TNR: variants seen among roughly 807,000 people sequenced by gnomAD.
TNR encodes tenascin R.
A neutral mutation model predicts 150.4 loss-of-function variants in TNR; 45 were observed. That is an observed-to-expected ratio of 0.30 (90% CI 0.24 to 0.38). The LOEUF is 0.38. TNR is among the 10% of genes least tolerant of loss of function. The pLI is 1.00. For synonymous variants in TNR, 687 were observed against 678.4 expected (o/e 1.01, Z -0.20); for missense variants, 1,544 against 1,759.1 (o/e 0.88, Z 2.19).
chr1:175,638,529 C>T (rs1479543771), intron 1 of TNR, among the ~76,000 whole-genome samples: 1 of 152,234 alleles, frequency 6.6e-6, no homozygotes, highest in Non-Finnish European at 1.5e-5. Flanking sequence ...CAAAATACTG[C>T]TCTGGACCTC....
At chr1:175,409,797 T>A (rs1170538637) in intron 2 of TNR, among the ~76,000 whole-genome samples, 2 of 150,466 alleles carry the variant, frequency 1.3e-5, no homozygotes, top group Non-Finnish European at 3.0e-5. Context: ...GACAGATATT[T>A]ATTAAGTACC....
rs567218580 is a variant in TNR at position 175,647,265 on chromosome 1, A to G, written c.-165+95961T>C. Among the ~76,000 whole-genome samples the G allele has an allele frequency of 2.0e-5, 3 of 152,368 alleles. No individual in the cohort carries two copies. In the South Asian group the frequency reaches 6.2e-4, roughly 32 times the overall value. On this transcript the variant is annotated intron_variant, in intron 1 of 22. Transcript: ENST00000367674. Reference sequence around the variant, plus strand: ...AGCTCTTTCTAACCCATGAACAAGCAGGATTGTTCACCACATGCACAAAAA... The same window carrying G: ...AGCTCTTTCTAACCCATGAACAAGCGGGATTGTTCACCACATGCACAAAAA...
At chr1:175,642,660 G>A (rs573838774) in intron 1 of TNR, among the ~76,000 whole-genome samples, 3 of 152,236 alleles carry the variant, frequency 2.0e-5, no homozygotes, top group East Asian at 3.9e-4. Context: ...AGCCTGCTGC[G>A]GTGTCTCACA....
chr1:175,725,566 T>C (rs1667455294), intron 1 of TNR, among the ~76,000 whole-genome samples: 1 of 152,174 alleles, frequency 6.6e-6, no homozygotes, highest in Non-Finnish European at 1.5e-5. Flanking sequence ...TCTTCATCAA[T>C]AACAGTCATG....
At chr1:175,433,716 G>T (rs1655374735) in intron 2 of TNR, among the ~76,000 whole-genome samples, 1 of 152,326 alleles carries the variant, frequency 6.6e-6, no homozygotes, top group South Asian at 2.1e-4. Context: ...GTGATTTACA[G>T]TTCCCTTGGA....
intron 2 of TNR, among the ~76,000 whole-genome samples, chr1:175,411,337 T>C (rs991109292): frequency 1.3e-5 from 2 of 152,200 alleles, no homozygotes; most frequent in African/African-American, 4.8e-5. Context: ...AGGTCTTCTC[T>C]TTCCTGATAC....
intron 4 of TNR, among the ~76,000 whole-genome samples, chr1:175,399,030 C>T (rs1283359299): frequency 6.6e-6 from 1 of 152,198 alleles, no homozygotes; most frequent in East Asian, 1.9e-4. Context: ...ACAATTTAGA[C>T]AGCAGGTTAC....
chr1:175,429,749 T>G (rs1655178027), intron 2 of TNR, among the ~76,000 whole-genome samples: 1 of 152,144 alleles, frequency 6.6e-6, no homozygotes, highest in Admixed American at 6.5e-5. Context: ...GAAGAAGAGT[T>G]TTGTATAATG....
At chr1:175,519,048 C>A (rs947307354) in intron 2 of TNR, among the ~76,000 whole-genome samples, 47 of 152,126 alleles carry the variant, frequency 3.1e-4, no homozygotes, top group African/African-American at 1.1e-3. Flanking sequence ...CAAAATTCTG[C>A]CACTTTCTAC....
intron 15 of TNR, among the ~76,000 whole-genome samples, chr1:175,358,328 G>A (rs960674263): frequency 6.6e-6 from 1 of 152,092 alleles, no homozygotes; most frequent in Non-Finnish European, 1.5e-5. Context: ...TGATAAGTGG[G>A]GTTTTCTGAT....
At position 175,356,425 on chromosome 1, in the gene TNR, C is replaced by T. The variant is rs978531773; in HGVS notation, c.3012G>A (p.Glu1004=). Residue 1004 remains glutamate (E), a synonymous_variant, in exon 16 of 23, where the codon GAG becomes GAA. Transcript: ENST00000367674. ...GAAGCAGGTCAACAAGCCGAAATTC[C>T]TCACTGACTCCGTCAACAAGGATGG... ...GETILVDGVS[E]EFRLVDLLPS... is the part of the protein sequence containing the mutation. 6.2e-7 allele frequency: 1 copy of T among 1,613,826 alleles called. No individual in the cohort carries two copies. Among genetic ancestry groups the T allele is most frequent in the African/African-American group, 1.3e-5 (1 of 74,880 alleles).
intron 2 of TNR, among the ~76,000 whole-genome samples, chr1:175,414,415 C>T (rs1000205129): frequency 9.2e-5 from 14 of 152,256 alleles, no homozygotes; most frequent in African/African-American, 2.6e-4. Flanking sequence ...CAAGGCTCAA[C>T]GATACACTAA....
intron 18 of TNR, among the ~76,000 whole-genome samples, chr1:175,350,436 G>T (rs1401797782): frequency 2.6e-5 from 4 of 152,222 alleles, no homozygotes; most frequent in Non-Finnish European, 4.4e-5. Context: ...TGGCTGCTCT[G>T]TGGGGAATAT....
rs192337326 is a variant in TNR at position 175,549,163 on chromosome 1, G to T, written c.-164-20794C>A. On this transcript the variant is annotated intron_variant, in intron 1 of 22. Coordinates refer to ENST00000367674, the MANE Select transcript of TNR (RefSeq NM_003285.3). ...TAGGAAGGGAACAGGGGAGCCCACT[G>T]AGGGTCTGCTTTGGGTCCTTAGGTA... is the stretch of plus-strand genomic sequence containing the variant. Among the ~76,000 whole-genome samples the T allele has an allele frequency of 5.0e-3, 769 of 152,342 alleles. 4 individuals carry two copies. Among genetic ancestry groups the T allele is most frequent in the African/African-American group, 0.017 (716 of 41,584 alleles).
chr1:175,610,597 C>G (rs1183441871), intron 1 of TNR, among the ~76,000 whole-genome samples: 1 of 152,212 alleles, frequency 6.6e-6, no homozygotes, highest in East Asian at 1.9e-4. Flanking sequence ...CAGACTTTCA[C>G]CCCATCTCCC....
At chr1:175,327,396 T>A (rs1382388105) in intron 21 of TNR, among the ~76,000 whole-genome samples, 2 of 152,208 alleles carry the variant, frequency 1.3e-5, no homozygotes, top group African/African-American at 4.8e-5. Flanking sequence ...AAGACTCCTA[T>A]TGTCTCCTAT....
chr1:175,672,885 C>T (rs1665744780), intron 1 of TNR, among the ~76,000 whole-genome samples: 1 of 152,144 alleles, frequency 6.6e-6, no homozygotes, highest in African/African-American at 2.4e-5. Flanking sequence ...TACTCTTTTC[C>T]CCCAATCAAC....
chr1:175,498,852 C>A (rs1658599002), intron 2 of TNR, among the ~76,000 whole-genome samples: 1 of 152,188 alleles, frequency 6.6e-6, no homozygotes, highest in Non-Finnish European at 1.5e-5. Context: ...CCGTTAGTAT[C>A]ATCATCTATT....
intron 2 of TNR, among the ~76,000 whole-genome samples, chr1:175,447,604 A>G (rs1656115336): frequency 2.6e-5 from 4 of 152,208 alleles, no homozygotes. Context: ...GGGGGACCTC[A>G]AGAATGTTGC....
Sources: allele counts gnomAD v4.1 joint callset (sites outside exome capture counted in the v4.1 genomes callset), GRCh38; gene constraint gnomAD v4.1.1; transcripts MANE v1.5; gene names NCBI Gene and HGNC (gene_info 2026-07-23, HGNC 2026-07-21).